The following ADGRA3 variants were observed in gnomAD, a reference collection of about 807,000 sequenced individuals.
ADGRA3 encodes the protein G-protein coupled receptor 125.
ADGRA3 carries 56 observed loss-of-function variants against 119.8 expected under a neutral mutation model. That is an observed-to-expected ratio of 0.47 (90% CI 0.38 to 0.58). The LOEUF is 0.58. ADGRA3 is among the 20% of genes least tolerant of loss of function. The pLI is 0.00. For missense variants in ADGRA3, 1,516 were observed against 1,649.0 expected, an observed-to-expected ratio of 0.92 and a Z score of 1.40; for synonymous variants, 607 against 623.8, an observed-to-expected ratio of 0.97 and a Z score of 0.40.
intron 1 of ADGRA3, among the ~76,000 whole-genome samples, chr4:22,496,692 T>G (rs1001550268): frequency 6.6e-6 from 1 of 152,214 alleles, no homozygotes; most frequent in Non-Finnish European, 1.5e-5. Flanking sequence ...TATAAGTGGC[T>G]GAGCCAATGT....
intron 4 of ADGRA3, 48 bp downstream of exon 4, chr4:22,454,818 G>C: frequency 7.3e-7 from 1 of 1,363,512 alleles, no homozygotes; most frequent in Non-Finnish European, 1.1e-6. Context: ...TTAGGTACTG[G>C]CTCAAATGCT....
At chr4:22,489,150 A>G (rs774221670) in intron 1 of ADGRA3, among the ~76,000 whole-genome samples, 1 of 152,200 alleles carries the variant, frequency 6.6e-6, no homozygotes, top group Non-Finnish European at 1.5e-5. Flanking sequence ...CACATCCTAC[A>G]TGGCAGCAGG....
At chr4:22,458,365 C>T (rs577615967) in intron 3 of ADGRA3, among the ~76,000 whole-genome samples, 1 of 152,268 alleles carries the variant, frequency 6.6e-6, no homozygotes, top group East Asian at 1.9e-4. Flanking sequence ...TGCTCCATAT[C>T]CCCTGCCTGT....
At chr4:22,423,954 G>A (rs1428701265) in intron 11 of ADGRA3, among the ~76,000 whole-genome samples, 16 of 151,994 alleles carry the variant, frequency 1.1e-4, no homozygotes, top group Non-Finnish European at 4.4e-5. Context: ...CTTATAAAAT[G>A]TTAGAAGAAA....
At chr4:22,405,803 T>C (rs1714896453) in intron 14 of ADGRA3, among the ~76,000 whole-genome samples, 1 of 152,188 alleles carries the variant, frequency 6.6e-6, no homozygotes, top group African/African-American at 2.4e-5. Context: ...TCCGTACATA[T>C]AACGTGTAAT....
intron 6 of ADGRA3, 123 bp downstream of exon 6, chr4:22,444,850 A>C (rs1577352930): frequency 1.1e-6 from 1 of 920,410 alleles, no homozygotes; most frequent in Middle Eastern, 3.5e-4. Context: ...TCAAATCCAT[A>C]ATGATTACTG....
intron 1 of ADGRA3, among the ~76,000 whole-genome samples, chr4:22,482,491 TAAA>T (rs34275951): frequency 4.2e-5 from 6 of 143,452 alleles, no homozygotes; most frequent in East Asian, 2.1e-4. Context: ...CCCCAACTCT[TAAA>T]AAAAAAAAAA....
intron 17 of ADGRA3, among the ~76,000 whole-genome samples, chr4:22,390,361 ATACGTATTATATATAT>A (rs1714073532): frequency 5.8e-4 from 13 of 22,462 alleles, no homozygotes; most frequent in Non-Finnish European, 1.2e-3. Context: ...TATATATATA[ATACGTATTATATATAT>A]ATAATACGTA....
At chr4:22,510,025 AAAAG>A (rs1290020952) in intron 1 of ADGRA3, among the ~76,000 whole-genome samples, 1 of 151,450 alleles carries the variant, frequency 6.6e-6, no homozygotes, top group Non-Finnish European at 1.5e-5. Flanking sequence ...AAAAAAAAAA[AAAAG>A]AAATGACTTT....
chr4:22,401,427 T>C lies in ADGRA3; in HGVS notation c.2481+4A>G, dbSNP rs1714643153. 1 of 1,596,794 alleles carries C rather than the reference T, an allele frequency of 6.3e-7. No individual in the cohort carries two copies. The highest frequency in any genetic ancestry group is 8.5e-7 in the Non-Finnish European group (1 of 1,171,026). Reference sequence around the variant, plus strand: ...TTCCATTTCGGTTTTTCACTCTGACTTACTGCTTGGCAGATGCTGGCATTC... The same window carrying C: ...TTCCATTTCGGTTTTTCACTCTGACCTACTGCTTGGCAGATGCTGGCATTC... On this transcript the variant is annotated splice_donor_region_variant and intron_variant, in intron 16 of 18. Transcript: ENST00000334304.
At chr4:22,515,376 T>A in intron 1 of ADGRA3, 152 bp downstream of exon 1, 5 of 873,380 alleles carry the variant, frequency 5.7e-6, no homozygotes, top group African/African-American at 1.8e-5. Flanking sequence ...ACTGCACCCA[T>A]GCCAAGCACA....
intron 14 of ADGRA3, among the ~76,000 whole-genome samples, chr4:22,403,608 G>A (rs1714763928): frequency 6.6e-6 from 1 of 152,008 alleles, no homozygotes; most frequent in Non-Finnish European, 1.5e-5. Context: ...AGGCCTGGTG[G>A]TGTGCGCCTG....
chr4:22,515,643 G>C lies in ADGRA3; in HGVS notation c.142C>G (p.Arg48Gly). The C allele has an allele frequency of 1.4e-6, 2 of 1,405,946 alleles. No homozygotes were observed. Among genetic ancestry groups the C allele is most frequent in the Non-Finnish European group, 1.9e-6 (2 of 1,069,848 alleles). 87.1% of individuals were successfully genotyped at this position (1,405,946 alleles called of 1,614,324 possible). A position where few individuals can be genotyped will look rare whatever the true frequency, so the allele number is the denominator to read the frequency against. Residue 48 changes from arginine (R) to glycine (G), a missense_variant, in exon 1 of 19, where the codon CGG (arginine) becomes GGG (glycine). Arg to Gly is a moderately radical substitution (Grantham distance 125). Coordinates refer to ENST00000334304, the MANE Select transcript of ADGRA3 (RefSeq NM_145290.4). ...GCCGCCCTGCCAGCCCCTCGGGGCC[G>C]CCCATCGTGCTTGCAGCCGGCGGGC... Reference protein sequence around the residue: ...ALPAGCKHDGRPRGAGRAAGA... With the variant: ...ALPAGCKHDGGPRGAGRAAGA...
intron 1 of ADGRA3, among the ~76,000 whole-genome samples, chr4:22,491,686 C>A (rs904043717): frequency 1.3e-5 from 2 of 152,164 alleles, no homozygotes; most frequent in African/African-American, 4.8e-5. Context: ...TGATGTCTTC[C>A]TCTTAGTAAT....
At chr4:22,451,337 A>T (rs923541264) in intron 4 of ADGRA3, among the ~76,000 whole-genome samples, 1 of 152,068 alleles carries the variant, frequency 6.6e-6, no homozygotes, top group African/African-American at 2.4e-5. Context: ...AGATCTCCTG[A>T]CATTTCTCTG....
chr4:22,396,030 T>C (rs1193470818), intron 16 of ADGRA3, among the ~76,000 whole-genome samples: 1 of 152,140 alleles, frequency 6.6e-6, no homozygotes, highest in Non-Finnish European at 1.5e-5. Context: ...TTAGATAAGA[T>C]CCAGCTGAAT....
In ADGRA3 at chr4:22,479,856, G is replaced by A. The variant is rs146288980; in HGVS notation, c.258-6013C>T. Among the ~76,000 whole-genome samples the A allele has an allele frequency of 9.2e-3, 1,397 of 152,244 alleles. 40 individuals are homozygous for A. The highest frequency in any genetic ancestry group is 0.052 in the East Asian group (267 of 5,160). Reference sequence around the variant, plus strand: ...TCATGTCCTTTGCAGGGACATGGATGAAGCTGGAAACCATCATTCCCAACA... The same window carrying A: ...TCATGTCCTTTGCAGGGACATGGATAAAGCTGGAAACCATCATTCCCAACA... On this transcript the variant is annotated intron_variant, in intron 1 of 18. Transcript: ENST00000334304.
chr4:22,458,380 G>A (rs1717316453), intron 3 of ADGRA3, among the ~76,000 whole-genome samples: 1 of 152,134 alleles, frequency 6.6e-6, no homozygotes, highest in African/African-American at 2.4e-5. Flanking sequence ...GCCTGTGTCT[G>A]GATAGCTGAG....
chr4:22,499,315 T>C (rs1216765072), intron 1 of ADGRA3, among the ~76,000 whole-genome samples: 1 of 152,188 alleles, frequency 6.6e-6, no homozygotes, highest in Non-Finnish European at 1.5e-5. Flanking sequence ...AAAGAATCAG[T>C]AAAGACAGCC....
Sources: gnomAD v4.1 joint callset for allele counts (sites outside exome capture counted in the v4.1 genomes callset) on GRCh38, gnomAD v4.1.1 for gene constraint, MANE v1.5 for transcripts, NCBI Gene and HGNC (gene_info 2026-07-23, HGNC 2026-07-21) for gene names.